The following SORCS2 variants were observed in gnomAD, a reference collection of about 807,000 sequenced individuals.
SORCS2 encodes the protein sortilin related VPS10 domain containing receptor 2.
A neutral mutation model predicts 141.6 loss-of-function variants in SORCS2; 100 were observed. That is an observed-to-expected ratio of 0.71 (90% CI 0.60 to 0.83). The LOEUF (loss-of-function observed/expected upper bound fraction) is 0.83. SORCS2 is among the 40% of genes least tolerant of loss of function. The pLI, the probability that SORCS2 is intolerant of heterozygous loss-of-function variation, is 0.00. For missense variants in SORCS2, 1,646 were observed against 1,560.2 expected, an observed-to-expected ratio of 1.05 and a Z score of -0.93; for synonymous variants, 789 against 676.9, an observed-to-expected ratio of 1.17 and a Z score of -2.57.
chr4:7,611,345 G>T (rs1718392920), intron 3 of SORCS2, among the ~76,000 whole-genome samples: 1 of 152,196 alleles, frequency 6.6e-6, no homozygotes, highest in Non-Finnish European at 1.5e-5. Context: ...TGGCTGAGAT[G>T]AGTGGGGTTG....
In SORCS2 at chr4:7,220,726, G is replaced by A. The variant is rs186831443; in HGVS notation, c.480+27600G>A. Among the ~76,000 whole-genome samples, 313 of 152,236 alleles carry A rather than the reference G, an allele frequency of 2.1e-3. 2 individuals are homozygous for A. The highest frequency in any genetic ancestry group is 8.0e-3 in the Admixed American group (122 of 15,292). ...CCGGCCCCATTTTGCACGCTGTGGGGTGGCCTCTCCAGGTGCGTCCCAGGT... is the reference window on the plus strand; with the variant it reads ...CCGGCCCCATTTTGCACGCTGTGGGATGGCCTCTCCAGGTGCGTCCCAGGT... On this transcript the variant is annotated intron_variant, in intron 1 of 26. Transcript: ENST00000507866.
At chr4:7,325,675 C>A (rs952031196) in intron 1 of SORCS2, among the ~76,000 whole-genome samples, 3 of 152,170 alleles carry the variant, frequency 2.0e-5, no homozygotes, top group Non-Finnish European at 2.9e-5. Context: ...CTGGAAGGCC[C>A]CTTGGCAGGG....
chr4:7,252,940 C>T lies in SORCS2; in HGVS notation c.480+59814C>T, dbSNP rs988686328. Reference sequence around the variant, plus strand: ...TGGGTACGTGGCGTTATCTCTGTTCCCCAGATGGAGCCTCAGGAAGCTGCA... The same window carrying T: ...TGGGTACGTGGCGTTATCTCTGTTCTCCAGATGGAGCCTCAGGAAGCTGCA... On this transcript the variant is annotated intron_variant, in intron 1 of 26. Coordinates refer to ENST00000507866, the MANE Select transcript of SORCS2 (RefSeq NM_020777.3). Among the ~76,000 whole-genome samples, 5 of 152,368 alleles carry T rather than the reference C, an allele frequency of 3.3e-5. 1 individual carries two copies. The South Asian group carries it at 1.0e-3, about 32-fold the overall frequency.
At chr4:7,314,336 T>A (rs999318293) in intron 1 of SORCS2, among the ~76,000 whole-genome samples, 4 of 59,984 alleles carry the variant, frequency 6.7e-5, no homozygotes, top group African/African-American at 1.8e-4. Context: ...TTTTTTATTT[T>A]TTTTATTTTT....
At chr4:7,459,380 G>A (rs1255129300) in intron 2 of SORCS2, among the ~76,000 whole-genome samples, 5 of 152,302 alleles carry the variant, frequency 3.3e-5, no homozygotes, top group Non-Finnish European at 7.4e-5. Context: ...AAAGGCGGTG[G>A]TGTTGAGGCT....
intron 1 of SORCS2, among the ~76,000 whole-genome samples, chr4:7,251,804 G>A (rs1713522704): frequency 1.3e-5 from 2 of 152,134 alleles, no homozygotes; most frequent in South Asian, 4.2e-4. Flanking sequence ...GTCGCAGCTG[G>A]ATCACATGGC....
intron 2 of SORCS2, among the ~76,000 whole-genome samples, chr4:7,486,319 C>T (rs551229049): frequency 4.6e-5 from 7 of 152,258 alleles, no homozygotes; most frequent in East Asian, 1.9e-4. Context: ...TTGGAGCGCC[C>T]GCAGGCCGGC....
rs1712253239 is a variant in SORCS2, at chr4:7,737,192, T to C, written c.3415+20T>C. Reference sequence around the variant, plus strand: ...TCCAGGGTGAGGAGTTTATAGATGATGATCTCGACTCGCAGACTCTAGGTA... The same window carrying C: ...TCCAGGGTGAGGAGTTTATAGATGACGATCTCGACTCGCAGACTCTAGGTA... On this transcript the variant is annotated intron_variant, in intron 26 of 26. Transcript: ENST00000507866. 3.2e-6 allele frequency: 5 copies of C among 1,550,626 alleles called. No homozygotes were observed. The highest frequency in any genetic ancestry group is 2.0e-5 in the Admixed American group (1 of 50,994).
Position 7,726,844 on chromosome 4 carries a change from C to T in SORCS2, c.2810C>T (p.Thr937Met), listed in dbSNP as rs372065575. 72 of 1,613,744 alleles carry T rather than the reference C, an allele frequency of 4.5e-5. No individual in the cohort carries two copies. Among genetic ancestry groups the T allele is most frequent in the East Asian group, 6.7e-5 (3 of 44,880 alleles). ...TCGGACACGGGCGACGTGCGTGTGACGGTGCAGGCCGCCTGTGGGAACTCG... is the reference window on the plus strand; with the variant it reads ...TCGGACACGGGCGACGTGCGTGTGATGGTGCAGGCCGCCTGTGGGAACTCG... ...RFSDTGDVRV[T>M]VQAACGNSVL... Residue 937 changes from threonine to methionine, a missense_variant, in exon 21 of 27, where the codon ACG (threonine) becomes ATG (methionine). Coordinates refer to ENST00000507866, the MANE Select transcript of SORCS2 (RefSeq NM_020777.3).
intron 3 of SORCS2, among the ~76,000 whole-genome samples, chr4:7,551,572 A>C (rs1713705458): frequency 6.6e-6 from 1 of 152,138 alleles, no homozygotes; most frequent in Admixed American, 6.5e-5. Context: ...CCCAGGAGAG[A>C]AGCAAAGAGC....
intron 1 of SORCS2, among the ~76,000 whole-genome samples, chr4:7,202,487 T>C (rs1355283587): frequency 6.6e-6 from 1 of 152,236 alleles, no homozygotes; most frequent in Non-Finnish European, 1.5e-5. Context: ...TAGTTTCTTC[T>C]CACACCAGCT....
intron 12 of SORCS2, among the ~76,000 whole-genome samples, chr4:7,701,834 C>T (rs1725107319): frequency 6.6e-6 from 1 of 152,208 alleles, no homozygotes; most frequent in Non-Finnish European, 1.5e-5. Context: ...GCTTCTCTTT[C>T]CAGCGTCCCC....
chr4:7,524,566 A>T (rs143307304), intron 2 of SORCS2, among the ~76,000 whole-genome samples: 1 of 151,316 alleles, frequency 6.6e-6, no homozygotes, highest in Non-Finnish European at 1.5e-5. Flanking sequence ...GAAGAGGTCA[A>T]CAGGCTGCTG....
At chr4:7,602,848 C>T (rs980476408) in intron 3 of SORCS2, among the ~76,000 whole-genome samples, 2 of 152,228 alleles carry the variant, frequency 1.3e-5, no homozygotes, top group Non-Finnish European at 2.9e-5. Flanking sequence ...GATCACGCCA[C>T]TGCACTCCAG....
chr4:7,704,280 A>G lies in SORCS2; in HGVS notation c.1864A>G (p.Met622Val), dbSNP rs1400113627. 4 of 1,610,190 alleles carry G rather than the reference A, an allele frequency of 2.5e-6. No homozygotes were observed. Among genetic ancestry groups the G allele is most frequent in the Non-Finnish European group, 3.4e-6 (4 of 1,178,546 alleles). Reference sequence around the variant, plus strand: ...TGAGCCAGGGGACGAGACGCTGGTCATGACGTGAGTGCGGGGACCGGGGAG... The same window carrying G: ...TGAGCCAGGGGACGAGACGCTGGTCGTGACGTGAGTGCGGGGACCGGGGAG... The part of the protein sequence containing the change: ...LSEPGDETLV[M>V]TVFGHISFRS... The change falls in exon 14 of 27, where the codon ATG becomes GTG. Residue 622 changes from methionine to valine, a missense_variant. Physicochemically the swap from Met to Val is conservative, Grantham distance 21 (BLOSUM62 1). Coordinates refer to ENST00000507866, the MANE Select transcript of SORCS2 (RefSeq NM_020777.3).
At chr4:7,373,228 C>T (rs7686566) in intron 1 of SORCS2, among the ~76,000 whole-genome samples, 20 of 151,504 alleles carry the variant, frequency 1.3e-4, no homozygotes, top group East Asian at 7.8e-4. Context: ...GGTTGCTCCA[C>T]GTCCTCTTCA....
At chr4:7,246,593 G>A (rs138750187) in intron 1 of SORCS2, among the ~76,000 whole-genome samples, 2 of 152,332 alleles carry the variant, frequency 1.3e-5, no homozygotes, top group South Asian at 2.1e-4. Context: ...CAAAGCCAAA[G>A]TGTTGGTGCC....
chr4:7,312,944 C>T (rs1560184092), intron 1 of SORCS2, among the ~76,000 whole-genome samples: 1 of 152,248 alleles, frequency 6.6e-6, no homozygotes, highest in Non-Finnish European at 1.5e-5. Context: ...GGCTGAGCAG[C>T]GACTGTCCTG....
intron 7 of SORCS2, among the ~76,000 whole-genome samples, chr4:7,665,563 A>G (rs1431908686): frequency 6.6e-6 from 1 of 151,936 alleles, no homozygotes; most frequent in Non-Finnish European, 1.5e-5. Context: ...TCTGCCTCCA[A>G]TTCAGGGTCA....
Sources: allele counts gnomAD v4.1 joint callset (sites outside exome capture counted in the v4.1 genomes callset), GRCh38; gene constraint gnomAD v4.1.1; transcripts MANE v1.5; gene names NCBI Gene and HGNC (gene_info 2026-07-23, HGNC 2026-07-21).